Variants in METAP1 observed in about 807,000 individuals in gnomAD.
The protein encoded by METAP1 is methionyl aminopeptidase 1.
METAP1 carries 28 observed loss-of-function variants against 53.8 expected under a neutral mutation model. That is an observed-to-expected ratio of 0.52 (90% CI 0.39 to 0.71). The LOEUF (loss-of-function observed/expected upper bound fraction) is 0.71. Among genes scored for constraint, METAP1 ranks in the 30% least tolerant of loss-of-function variants. The pLI is 0.00. For synonymous variants in METAP1, 181 were observed against 165.7 expected (o/e 1.09, Z -0.71); for missense variants, 389 against 479.8 (o/e 0.81, Z 1.77).
rs942461974 is a variant in METAP1, at chr4:99,005,718, A to C, written c.114+9851A>C. The stretch of plus-strand genomic sequence containing the variant: ...AAAGCAAATTTGATATATATACATC[A>C]TGAAATACTCCCCAGCCATTAAAAA... On this transcript the variant is annotated intron_variant, in intron 1 of 10. Transcript: ENST00000296411. 7.7e-6 allele frequency: 3 copies of C among 387,708 alleles called. 1 individual carries two copies. The highest frequency in any genetic ancestry group is 6.0e-5 in the South Asian group (3 of 50,334). The allele number at this position is 387,708 out of a possible 1,614,324, so 24.0% of individuals were successfully genotyped here.
chr4:99,022,649 A>T, intron 1 of METAP1: 1 of 1,067,044 alleles, frequency 9.4e-7, no homozygotes, highest in Non-Finnish European at 1.4e-6. Flanking sequence ...CTGGCGCTCA[A>T]AGGCAAGGTG....
chr4:99,023,544 G>T (rs549431844), intron 1 of METAP1: 39 of 985,380 alleles, frequency 4.0e-5, no homozygotes, highest in Non-Finnish European at 3.5e-5. Context: ...TTAGATTTGA[G>T]ATGGTGGAAA....
At chr4:99,033,062 G>A (rs902467567) in intron 2 of METAP1, among the ~76,000 whole-genome samples, 13 of 152,088 alleles carry the variant, frequency 8.5e-5, no homozygotes, top group Admixed American at 8.5e-4. Flanking sequence ...TGCTCTTTAA[G>A]AGTACTGGAC....
At chr4:99,055,955 C>T (rs1727086019) in intron 9 of METAP1, among the ~76,000 whole-genome samples, 1 of 151,898 alleles carries the variant, frequency 6.6e-6, no homozygotes, top group South Asian at 2.1e-4. Flanking sequence ...TTTCAAATGA[C>T]CTTAGGATTT....
intron 1 of METAP1, among the ~76,000 whole-genome samples, chr4:99,000,166 T>A (rs1436034175): frequency 2.0e-5 from 3 of 152,244 alleles, no homozygotes; most frequent in African/African-American, 7.2e-5. Context: ...ATACACTCAT[T>A]TATTTGCTTA....
intron 1 of METAP1, among the ~76,000 whole-genome samples, chr4:98,999,903 G>A (rs2110271434): frequency 6.6e-6 from 1 of 152,150 alleles, no homozygotes; most frequent in East Asian, 1.9e-4. Flanking sequence ...CTTGATGTTC[G>A]ATTGTGTTTA....
intron 1 of METAP1, among the ~76,000 whole-genome samples, chr4:99,013,347 T>C (rs1723577202): frequency 1.3e-5 from 2 of 152,198 alleles, no homozygotes; most frequent in Non-Finnish European, 2.9e-5. Context: ...AAAAAGATGC[T>C]AATACCACCC....
rs766882314 is a variant in METAP1, at chr4:99,061,324, C to T, written c.*7C>T. The T allele has an allele frequency of 3.1e-6, 5 of 1,610,560 alleles. No individual in the cohort carries two copies. The African/African-American group carries it at 5.3e-5, about 17-fold the overall frequency. On this transcript the variant is annotated 3_prime_UTR_variant, in exon 11 of 11. Coordinates refer to ENST00000296411, the MANE Select transcript of METAP1 (RefSeq NM_015143.3). The stretch of plus-strand genomic sequence containing the variant: ...CTTCATGTCTCAATTTTAATTTCTC[C>T]CAAGATGGCACATCTCAGTACCTTC...
At chr4:99,027,096 C>G (rs2110326725) in intron 1 of METAP1, among the ~76,000 whole-genome samples, 1 of 152,296 alleles carries the variant, frequency 6.6e-6, no homozygotes, top group Non-Finnish European at 1.5e-5. Context: ...TGAGTAGCTA[C>G]TTTTCAATGA....
intron 8 of METAP1, 59 bp downstream of exon 8, chr4:99,045,369 C>G: frequency 6.3e-7 from 1 of 1,589,814 alleles, no homozygotes; most frequent in Non-Finnish European, 8.6e-7. Context: ...CCAAGAATGA[C>G]TGGGCGCTGC....
At chr4:99,019,183 C>G (rs529610090) in intron 1 of METAP1, among the ~76,000 whole-genome samples, 14 of 152,170 alleles carry the variant, frequency 9.2e-5, no homozygotes, top group Non-Finnish European at 1.9e-4. Flanking sequence ...ATAATAGTAG[C>G]TCTTCTGGAG....
chr4:99,057,644 A>C, intron 9 of METAP1, 109 bp from the exon 10 acceptor site: 1 of 770,926 alleles, frequency 1.3e-6, no homozygotes, highest in Non-Finnish European at 2.1e-6. Flanking sequence ...CAGGGTAATT[A>C]ATTTAACAAT....
intron 1 of METAP1, among the ~76,000 whole-genome samples, chr4:98,997,786 A>C (rs77952178): frequency 6.6e-6 from 1 of 152,174 alleles, no homozygotes; most frequent in East Asian, 1.9e-4. Flanking sequence ...TATTTCTGGT[A>C]TCACTGTTAG....
Position 99,041,814 on chromosome 4 carries a change from G to A in METAP1, c.516+688G>A, listed in dbSNP as rs555613881. On this transcript the variant is annotated intron_variant, in intron 6 of 10. Transcript: ENST00000296411. ...CTCTCTTCTGCTTGGTGATGGTATT[G>A]TAAATTGGAAGAACCCTTTTGGAAG... 1.2e-4 allele frequency among the ~76,000 whole-genome samples: 18 copies of A among 151,546 alleles called. No homozygotes were observed. The East Asian group carries it at 3.5e-3, about 30-fold the overall frequency.
intron 1 of METAP1, among the ~76,000 whole-genome samples, chr4:99,011,870 G>A (rs1723487431): frequency 6.6e-6 from 1 of 152,190 alleles, no homozygotes; most frequent in Non-Finnish European, 1.5e-5. Flanking sequence ...AACCTAGGAG[G>A]CGGAGGTTGC....
intron 1 of METAP1, among the ~76,000 whole-genome samples, chr4:99,010,728 G>A (rs1723425236): frequency 6.6e-6 from 1 of 152,116 alleles, no homozygotes; most frequent in Admixed American, 6.5e-5. Flanking sequence ...ATTTGGTGAG[G>A]ATTGCATTGA....
intron 2 of METAP1, among the ~76,000 whole-genome samples, chr4:99,031,124 T>TTA (rs397829660): frequency 4.1e-5 from 6 of 147,748 alleles, no homozygotes; most frequent in Middle Eastern, 3.5e-3. Context: ...TTTTTTTTTT[T>TTA]ACTTGTCATA....
intron 9 of METAP1, 70 bp downstream of exon 9, chr4:99,048,946 A>G: frequency 6.6e-7 from 1 of 1,505,362 alleles, no homozygotes; most frequent in Non-Finnish European, 9.1e-7. Context: ...TACATTTAAC[A>G]GTACCTACTA....
At position 99,028,855 on chromosome 4, in the gene METAP1, T is replaced by C. The variant is rs1254546793; in HGVS notation, c.115-12T>C. On this transcript the variant is annotated splice_polypyrimidine_tract_variant and intron_variant, in intron 1 of 10. Transcript: ENST00000296411. ...AAGGCCTGACACTAATTTTCCTTTT[T>C]TGTTCTTTTAGGAATGTTTTAAAGG... is the stretch of plus-strand genomic sequence containing the variant. 6.5e-7 allele frequency: 1 copy of C among 1,530,888 alleles called. No homozygotes were observed. Among genetic ancestry groups the C allele is most frequent in the African/African-American group, 1.4e-5 (1 of 72,556 alleles). The allele number at this position is 1,530,888 out of a possible 1,614,324, so 94.8% of individuals were successfully genotyped here. A position where few individuals can be genotyped will look rare whatever the true frequency, so the allele number is the denominator to read the frequency against.
Sources: gnomAD v4.1 joint callset for allele counts (sites outside exome capture counted in the v4.1 genomes callset) on GRCh38, gnomAD v4.1.1 for gene constraint, MANE v1.5 for transcripts, NCBI Gene and HGNC (gene_info 2026-07-23, HGNC 2026-07-21) for gene names.